Variants in RSU1 observed in about 807,000 individuals in gnomAD.
The protein encoded by RSU1 is rsu-1.
RSU1 carries 26 observed loss-of-function variants against 31.1 expected under a neutral mutation model. The observed-to-expected ratio is 0.84, with a 90% CI of 0.61 to 1.16. The LOEUF is 1.16. Ranked by LOEUF, RSU1 falls within the 50% of genes most tolerant of loss-of-function variation. The pLI is 0.00. For missense variants in RSU1, 320 were observed against 339.1 expected (o/e 0.94, Z 0.44); for synonymous variants, 164 against 136.3 (o/e 1.20, Z -1.41).
chr10:16,776,981 G>T (rs969941527), intron 3 of RSU1, among the ~76,000 whole-genome samples: 1 of 151,604 alleles, frequency 6.6e-6, no homozygotes, highest in African/African-American at 2.4e-5. Context: ...TGCAGTAGTA[G>T]CTTGCAATGT....
intron 8 of RSU1, among the ~76,000 whole-genome samples, chr10:16,674,174 C>T (rs374957731): frequency 4.1e-4 from 63 of 152,204 alleles, no homozygotes; most frequent in Middle Eastern, 3.4e-3. Context: ...CCCTGGCCCC[C>T]GATATTGCCC....
intron 8 of RSU1, among the ~76,000 whole-genome samples, chr10:16,640,364 C>A (rs960013273): frequency 1.6e-4 from 25 of 152,172 alleles, no homozygotes; most frequent in Non-Finnish European, 3.2e-4. Context: ...TCCCCCTGGT[C>A]TGAGTTTCCA....
At chr10:16,735,822 C>A (rs538708154) in intron 7 of RSU1, among the ~76,000 whole-genome samples, 1 of 152,130 alleles carries the variant, frequency 6.6e-6, no homozygotes, top group African/African-American at 2.4e-5. Flanking sequence ...TCATTTGTCT[C>A]CCACTGGGTC....
intron 8 of RSU1, among the ~76,000 whole-genome samples, chr10:16,657,720 C>T (rs570698099): frequency 2.4e-4 from 37 of 152,246 alleles, no homozygotes; most frequent in Non-Finnish European, 3.1e-4. Context: ...GGGCCAGGCA[C>T]GGTGGCTCAC....
intron 2 of RSU1, among the ~76,000 whole-genome samples, chr10:16,805,685 C>CT (rs780025224): frequency 0.04 from 5,221 of 132,104 alleles, 81 homozygotes; most frequent in African/African-American, 0.053. Context: ...AAAAAAAAAG[C>CT]TTTTTTTTTT....
chr10:16,633,511 T>C (rs1228736611), intron 8 of RSU1, among the ~76,000 whole-genome samples: 3 of 152,122 alleles, frequency 2.0e-5, no homozygotes, highest in African/African-American at 7.2e-5. Flanking sequence ...GTCTTTCTTC[T>C]TATCATGGAA....
intron 8 of RSU1, among the ~76,000 whole-genome samples, chr10:16,645,583 G>A (rs1239268674): frequency 4.0e-5 from 6 of 151,818 alleles, no homozygotes; most frequent in East Asian, 1.9e-4. Context: ...TGAGGCGGGC[G>A]GATCGCTTGA....
Position 16,755,708 on chromosome 10 carries a change from CCTAA to C in RSU1, c.282-723_282-720del, listed in dbSNP as rs749454720. Among the ~76,000 whole-genome samples the C allele has an allele frequency of 5.3e-4, 80 of 152,252 alleles. 1 individual carries two copies. Among genetic ancestry groups the C allele is most frequent in the Non-Finnish European group, 1.0e-3 (70 of 68,016 alleles). On this transcript the variant is annotated intron_variant, in intron 4 of 8. Transcript: ENST00000345264. ...CAATCCATCTCTTGAACTTATTTCTCCTAACTAAAATTTCATGTCCTTTGGCTAA... is the reference window on the plus strand; with the variant it reads ...CAATCCATCTCTTGAACTTATTTCTCCTAAAATTTCATGTCCTTTGGCTAA...
chr10:16,783,364 C>CTTTTTTGTTTTTTTTTTTTT (rs1837698508), intron 2 of RSU1, among the ~76,000 whole-genome samples: 1 of 132,070 alleles, frequency 7.6e-6, no homozygotes, highest in Non-Finnish European at 1.6e-5. Context: ...ACAACTTTTG[C>CTTTTTTGTTTTTTTTTTTTT]TTTTTTTTTT....
intron 8 of RSU1, among the ~76,000 whole-genome samples, chr10:16,674,903 C>CA: frequency 6.6e-6 from 1 of 152,168 alleles, no homozygotes; most frequent in East Asian, 1.9e-4. Context: ...CGTGGTGGCA[C>CA]ACGCCTGTAA....
intron 7 of RSU1, among the ~76,000 whole-genome samples, chr10:16,733,499 C>A (rs568602769): frequency 6.6e-6 from 1 of 152,012 alleles, no homozygotes; most frequent in African/African-American, 2.4e-5. Context: ...CAGAGTGAGA[C>A]TCTGTCGCAA....
intron 7 of RSU1, among the ~76,000 whole-genome samples, chr10:16,737,645 G>A (rs968966992): frequency 6.6e-5 from 10 of 152,008 alleles, no homozygotes; most frequent in South Asian, 2.1e-4. Flanking sequence ...AGATGGAAGC[G>A]CCTATCTACA....
chr10:16,716,979 A>G (rs1163183026), intron 7 of RSU1, among the ~76,000 whole-genome samples: 2 of 152,220 alleles, frequency 1.3e-5, no homozygotes, highest in African/African-American at 4.8e-5. Context: ...TTTTCAGCCA[A>G]TAGGACAAAT....
At chr10:16,609,004 T>C (rs11254108) in intron 8 of RSU1, among the ~76,000 whole-genome samples, 1 of 152,026 alleles carries the variant, frequency 6.6e-6, no homozygotes, top group African/African-American at 2.4e-5. Flanking sequence ...GGCTGATTTT[T>C]AAATATTTTG....
At chr10:16,641,155 C>A (rs1219892597) in intron 8 of RSU1, among the ~76,000 whole-genome samples, 3 of 152,156 alleles carry the variant, frequency 2.0e-5, no homozygotes, top group East Asian at 3.8e-4. Flanking sequence ...TACCCTGGAA[C>A]TTAAAATGAA....
intron 7 of RSU1, among the ~76,000 whole-genome samples, chr10:16,716,370 A>G (rs759506602): frequency 6.6e-6 from 1 of 152,178 alleles, no homozygotes; most frequent in South Asian, 2.1e-4. Context: ...AGAAACGTCT[A>G]CACTATTGCA....
chr10:16,711,550 G>A (rs971669618), intron 7 of RSU1, among the ~76,000 whole-genome samples: 4 of 152,044 alleles, frequency 2.6e-5, no homozygotes, highest in African/African-American at 4.8e-5. Context: ...TGTTAGAACT[G>A]CTCTCTCGCT....
chr10:16,654,177 A>AT (rs1245654837), intron 8 of RSU1, among the ~76,000 whole-genome samples: 1 of 151,294 alleles, frequency 6.6e-6, no homozygotes, highest in African/African-American at 2.4e-5. Context: ...TAATTTTTGT[A>AT]TTTTTTGTAG....
intron 7 of RSU1, among the ~76,000 whole-genome samples, chr10:16,722,156 ATTATTG>A (rs1427757141): frequency 6.6e-6 from 1 of 152,162 alleles, no homozygotes; most frequent in Admixed American, 6.6e-5. Context: ...CTATTTGATT[ATTATTG>A]TTAATCTCTT....
Sources: gnomAD v4.1 joint callset for allele counts (sites outside exome capture counted in the v4.1 genomes callset) on GRCh38, gnomAD v4.1.1 for gene constraint, MANE v1.5 for transcripts, NCBI Gene and HGNC (gene_info 2026-07-23, HGNC 2026-07-21) for gene names.